The following WNK2 variants were observed in gnomAD, a reference collection of about 807,000 sequenced individuals.
The protein encoded by WNK2 is serine/threonine-protein kinase WNK2.
Under a neutral mutation model 192.1 loss-of-function variants are expected in WNK2, and 67 were observed. The ratio of observed to expected loss-of-function variants is 0.35; its 90% CI spans 0.29 to 0.43. WNK2 has a LOEUF of 0.43. WNK2 is among the 20% of genes least tolerant of loss of function. WNK2 has a pLI of 1.00. For synonymous variants in WNK2, 1,439 were observed against 1,393.9 expected, an observed-to-expected ratio of 1.03 and a Z score of -0.72; for missense variants, 2,698 against 3,089.7, an observed-to-expected ratio of 0.87 and a Z score of 3.01.
At position 93,292,768 on chromosome 9, in the gene WNK2, C is replaced by G. The variant is rs1468571884; in HGVS notation, c.5303C>G (p.Ser1768Cys). ...GCCTCCCCCCACAGCCTGAGATACT[C>G]TGCCCCACCCGACGTCTACCTGGAC... The part of the protein sequence containing the change: ...TLASPHSLRY[S>C]APPDVYLDEA... The change falls in exon 23 of 30, where the codon TCT becomes TGT. Residue 1768 changes from serine (S) to cysteine (C), a missense_variant. By Grantham distance (112) the Ser-to-Cys change is moderately radical (BLOSUM62 -1). This residue lies in a region of WNK2 where 1,098 missense variants were observed against 1,101.0 expected (regional missense o/e 1.00). Transcript: ENST00000427277. 5 of 1,561,348 alleles carry G rather than the reference C, an allele frequency of 3.2e-6. No individual in the cohort carries two copies. The African/African-American group carries it at 6.8e-5, about 21-fold the overall frequency.
At chr9:93,276,336 AG>A (rs2133445939) in intron 19 of WNK2, among the ~76,000 whole-genome samples, 1 of 152,378 alleles carries the variant, frequency 6.6e-6, no homozygotes, top group Non-Finnish European at 1.5e-5. Flanking sequence ...AAGCAATCCA[AG>A]AAGAGATAAT....
chr9:93,297,607 T>G (rs1016550439), intron 23 of WNK2, among the ~76,000 whole-genome samples: 2 of 152,246 alleles, frequency 1.3e-5, no homozygotes, highest in South Asian at 4.1e-4. Context: ...CTTCTTAGCC[T>G]GGCCCGTGCT....
At chr9:93,286,543 G>A (rs1410723016) in intron 19 of WNK2, among the ~76,000 whole-genome samples, 2 of 152,226 alleles carry the variant, frequency 1.3e-5, no homozygotes, top group African/African-American at 4.8e-5. Context: ...GGAGAGAGGG[G>A]ACCTTTGTGC....
rs745753130 is a variant in WNK2, at chr9:93,256,309, C to T, written c.2045C>T (p.Pro682Leu). Residue 682 changes from proline (P) to leucine (L), a missense_variant, in exon 10 of 30, where the codon CCG (proline) becomes CTG (leucine). By Grantham distance (98) the Pro-to-Leu change is moderately conservative (BLOSUM62 -3). Around this residue, in one of 7 missense-constraint regions of WNK2, gnomAD observed 893 missense variants for 909.0 expected, o/e 0.98. Transcript: ENST00000427277. Reference protein sequence around the residue: ...YQQPTAAPGLPVGSVPAPACP... With the variant: ...YQQPTAAPGLLVGSVPAPACP... Reference sequence around the variant, plus strand: ...TGGTGCTCTCTGCAGCCTGGCTTGCCGGTGGGCTCTGTCCCGGCCCCCGCC... The same window carrying T: ...TGGTGCTCTCTGCAGCCTGGCTTGCTGGTGGGCTCTGTCCCGGCCCCCGCC... 6 of 1,565,144 alleles carry T rather than the reference C, an allele frequency of 3.8e-6. No homozygotes were observed. The highest frequency in any genetic ancestry group is 2.3e-5 in the South Asian group (2 of 85,154).
chr9:93,256,812 G>T (rs971314554), intron 10 of WNK2, 136 bp from the exon 11 acceptor site: 7 of 812,788 alleles, frequency 8.6e-6, no homozygotes, highest in African/African-American at 3.5e-5. Context: ...AAGTGTGTGT[G>T]TGCAGGCATG....
chr9:93,289,912 A>T (rs771279602), intron 20 of WNK2, 66 bp from the exon 21 acceptor site: 2 of 1,461,452 alleles, frequency 1.4e-6, no homozygotes, highest in African/African-American at 2.8e-5. Context: ...GGATTTGCAG[A>T]TACAGCTGTT....
chr9:93,255,182 T>C (rs1428952784), intron 9 of WNK2, among the ~76,000 whole-genome samples: 1 of 152,196 alleles, frequency 6.6e-6, no homozygotes, highest in Non-Finnish European at 1.5e-5. Flanking sequence ...TCCCCAGGTG[T>C]GCTGAGGGCT....
Position 93,289,202 on chromosome 9 carries a change from G to T in WNK2, c.4448G>T (p.Ser1483Ile). 6.2e-7 allele frequency: 1 copy of T among 1,602,730 alleles called. No homozygotes were observed. Residue 1483 changes from serine (S) to isoleucine (I), a missense_variant, in exon 20 of 30, where the codon AGC (serine) becomes ATC (isoleucine). Transcript: ENST00000427277. The part of the protein sequence containing the change: ...EPLPPPAPEP[S>I]PHSGTPQPAL... ...CTGCCACCTCCTGCACCTGAGCCCA[G>T]CCCCCACAGCGGGACCCCACAGCCC...
intron 2 of WNK2, among the ~76,000 whole-genome samples, chr9:93,209,105 AT>A (rs1387476346): frequency 6.6e-6 from 1 of 151,924 alleles, no homozygotes; most frequent in Admixed American, 6.5e-5. Context: ...CTTCCAAATG[AT>A]TTCCTGGAAA....
chr9:93,293,036 A>G lies in WNK2; in HGVS notation c.5571A>G (p.Thr1857=). ...PSRAGSLGPE[T]PSRVGMKVPT... ...GGGCCGGCTCGCTGGGCCCCGAGAC[A>G]CCCAGCAGGGTGGGCATGAAGGTCC... The change falls in exon 23 of 30, where the codon ACA becomes ACG. Residue 1857 remains threonine (T), a synonymous_variant. Coordinates refer to ENST00000427277, the MANE Select transcript of WNK2 (RefSeq NM_006648.4). 6.2e-7 allele frequency: 1 copy of G among 1,608,594 alleles called. No homozygotes were observed. Among genetic ancestry groups the G allele is most frequent in the Non-Finnish European group, 8.5e-7 (1 of 1,177,732 alleles).
intron 5 of WNK2, 138 bp from the exon 6 acceptor site, chr9:93,238,085 ATTTTGCCCAG>A: frequency 1.5e-6 from 1 of 653,952 alleles, no homozygotes; most frequent in Non-Finnish European, 2.7e-6. Context: ...CGTTTCACAT[ATTTTGCCCAG>A]TTTTCTAGTA....
rs776660570 is a variant in WNK2, at chr9:93,292,988, C to T, written c.5523C>T (p.Thr1841=). 56 of 1,561,644 alleles carry T rather than the reference C, an allele frequency of 3.6e-5. 1 individual carries two copies. The highest frequency in any genetic ancestry group is 1.1e-4 in the South Asian group (9 of 84,414). ...SVAGDFVKKA[T]AFLQRPSRAG... is the part of the protein sequence containing the mutation. ...CTGGCGACTTCGTGAAGAAGGCCAC[C>T]GCCTTCCTGCAGAGGCCTTCTCGGG... is the stretch of plus-strand genomic sequence containing the variant. The change falls in exon 23 of 30, where the codon ACC becomes ACT. Residue 1841 remains threonine (T), a synonymous_variant. Coordinates refer to ENST00000427277, the MANE Select transcript of WNK2 (RefSeq NM_006648.4).
At chr9:93,226,279 T>C (rs1564028590) in intron 2 of WNK2, among the ~76,000 whole-genome samples, 1 of 152,232 alleles carries the variant, frequency 6.6e-6, no homozygotes. Context: ...TTCTAAATCG[T>C]TCTCCTTCCA....
At chr9:93,269,258 G>A (rs1201895816) in intron 19 of WNK2, among the ~76,000 whole-genome samples, 1 of 152,124 alleles carries the variant, frequency 6.6e-6, no homozygotes, top group Non-Finnish European at 1.5e-5. Context: ...CCGTGCTTTG[G>A]GCTGTCAGTT....
At chr9:93,313,376 T>TA (rs1248340147) in intron 28 of WNK2, among the ~76,000 whole-genome samples, 1 of 151,800 alleles carries the variant, frequency 6.6e-6, no homozygotes, top group African/African-American at 2.4e-5. Context: ...AATTTTTTTT[T>TA]AACCGTATCT....
rs552430555 is a variant in WNK2, at chr9:93,304,351, C to T, written c.6215-2426C>T. Among the ~76,000 whole-genome samples, 287 of 152,354 alleles carry T rather than the reference C, an allele frequency of 1.9e-3. 2 individuals carry two copies. Among genetic ancestry groups the T allele is most frequent in the African/African-American group, 5.2e-3 (216 of 41,578 alleles). ...AGCAGGAGATGCCAAGTCCAAGAGC[C>T]GGCCCTCCTGTCGTCCTGTGTGCTG... is the stretch of plus-strand genomic sequence containing the variant. On this transcript the variant is annotated intron_variant, in intron 26 of 29. Transcript: ENST00000427277.
At chr9:93,288,346 A>C (rs1237747954) in intron 19 of WNK2, among the ~76,000 whole-genome samples, 6 of 151,114 alleles carry the variant, frequency 4.0e-5, no homozygotes, top group Non-Finnish European at 7.4e-5. Context: ...CTCACTACTT[A>C]AACTCTTTAA....
chr9:93,292,567 C>T lies in WNK2; in HGVS notation c.5102C>T (p.Ala1701Val). The T allele has an allele frequency of 6.4e-7, 1 of 1,568,504 alleles. No homozygotes were observed. Among genetic ancestry groups the T allele is most frequent in the Non-Finnish European group, 8.7e-7 (1 of 1,155,162 alleles). The change falls in exon 23 of 30, where the codon GCA (alanine) becomes GTA (valine). Residue 1701 changes from alanine (A) to valine (V), a missense_variant. Coordinates refer to ENST00000427277, the MANE Select transcript of WNK2 (RefSeq NM_006648.4). ...GGTGGAGAAGCTGGAGAAAGCTCGG[C>T]AGAGCCCCCGCCGAGTGACATGGGC... The part of the protein sequence containing the change: ...RDGGEAGESS[A>V]EPPPSDMGTV...
At position 93,317,585 on chromosome 9, in the gene WNK2, C is replaced by G. The variant is rs1347810404; in HGVS notation, c.6582C>G (p.Thr2194=). Residue 2194 remains threonine (T), a synonymous_variant, in exon 29 of 30, where the codon ACC becomes ACG. Transcript: ENST00000427277. The stretch of plus-strand genomic sequence containing the variant: ...CCCCAGCGCCCGGCCCTCTGTCCAC[C>G]ACGGTCATTCCCGGAGCCGCCCCGA... ...RLPPAPGPLS[T]TVIPGAAPTL... is the part of the protein sequence containing the mutation. 2 of 1,613,378 alleles carry G rather than the reference C, an allele frequency of 1.2e-6. No individual in the cohort carries two copies. The highest frequency in any genetic ancestry group is 3.3e-5 in the Admixed American group (2 of 60,028).
Sources: allele counts gnomAD v4.1 joint callset (sites outside exome capture counted in the v4.1 genomes callset), GRCh38; gene constraint gnomAD v4.1.1; regional missense constraint gnomAD v4.1.1; transcripts MANE v1.5; gene names NCBI Gene and HGNC (gene_info 2026-07-23, HGNC 2026-07-21).